ADIPOR1: variants seen among roughly 807,000 people sequenced by gnomAD.
ADIPOR1 encodes the protein adiponectin receptor 1.
A neutral mutation model predicts 37.5 loss-of-function variants in ADIPOR1; 15 were observed. The observed-to-expected ratio is 0.40, with a 90% CI of 0.27 to 0.62. The LOEUF (loss-of-function observed/expected upper bound fraction) is 0.62. Ranked by LOEUF, ADIPOR1 falls within the 20% of genes least tolerant of loss-of-function variation. ADIPOR1 has a pLI of 0.42. For synonymous variants in ADIPOR1, 173 were observed against 173.2 expected (o/e 1.00, Z 0.01); for missense variants, 286 against 478.0 (o/e 0.60, Z 3.75).
rs112422994 is a variant in ADIPOR1 at position 202,946,058 on chromosome 1, C to A, written c.430+381G>T. Among the ~76,000 whole-genome samples, 4 of 145,802 alleles carry A rather than the reference C, an allele frequency of 2.7e-5. 1 individual carries two copies. The highest frequency in any genetic ancestry group is 1.0e-4 in the African/African-American group (4 of 38,564). Reference sequence around the variant, plus strand: ...AAAATCAGAAAGCTATGAGGTTTAGCTGTGTAATTGCAGTCCAATGTTTCA... The same window carrying A: ...AAAATCAGAAAGCTATGAGGTTTAGATGTGTAATTGCAGTCCAATGTTTCA... On this transcript the variant is annotated intron_variant, in intron 4 of 7. Coordinates refer to ENST00000340990, the MANE Select transcript of ADIPOR1 (RefSeq NM_015999.6).
intron 1 of ADIPOR1, among the ~76,000 whole-genome samples, chr1:202,953,296 T>C (rs985699303): frequency 6.6e-6 from 1 of 152,038 alleles, no homozygotes; most frequent in Non-Finnish European, 1.5e-5. Context: ...TAAATATTTT[T>C]GGGCATCTTA....
intron 3 of ADIPOR1, 122 bp downstream of exon 3, chr1:202,948,182 A>G (rs1354719849): frequency 7.4e-6 from 6 of 809,072 alleles, no homozygotes; most frequent in Non-Finnish European, 1.2e-5. Flanking sequence ...CTTAACCAAA[A>G]AACAAATCCA....
chr1:202,957,430 C>T (rs7514296), intron 1 of ADIPOR1, among the ~76,000 whole-genome samples: 12,165 of 151,878 alleles, frequency 0.08, 1,219 homozygotes, highest in African/African-American at 0.23. Flanking sequence ...TTGGCCTTGT[C>T]AGTTTCCCAT....
chr1:202,948,814 T>G (rs1173173324), intron 2 of ADIPOR1, among the ~76,000 whole-genome samples: 2 of 150,580 alleles, frequency 1.3e-5, no homozygotes, highest in East Asian at 3.9e-4. Context: ...TTTTTTGAAA[T>G]GGAATATCCC....
chr1:202,950,788 C>T lies in ADIPOR1; in HGVS notation c.141+142G>A, dbSNP rs7554261. ...AAAGCAGACAACAAGATGTTTATAA[C>T]AGTATCATAGGGACTTGGATAGAGA... On this transcript the variant is annotated intron_variant, in intron 2 of 7. Coordinates refer to ENST00000340990, the MANE Select transcript of ADIPOR1 (RefSeq NM_015999.6). The T allele has an allele frequency of 9.6e-5, 112 of 1,160,940 alleles. No homozygotes were observed. In the African/African-American group the frequency reaches 1.6e-3, roughly 16 times the overall value. The allele number at this position is 1,160,940 out of a possible 1,614,324, so 71.9% of individuals were successfully genotyped here.
chr1:202,950,435 C>T (rs1287839832), intron 2 of ADIPOR1, among the ~76,000 whole-genome samples: 3 of 151,876 alleles, frequency 2.0e-5, no homozygotes, highest in African/African-American at 4.8e-5. Context: ...AAGAGAGGGC[C>T]TTTCTTCTCG....
At chr1:202,946,925 A>C (rs1384469965) in intron 3 of ADIPOR1, among the ~76,000 whole-genome samples, 1 of 151,634 alleles carries the variant, frequency 6.6e-6, no homozygotes, top group Non-Finnish European at 1.5e-5. Context: ...GACCTGCCTG[A>C]CTAACATGGT....
At chr1:202,947,770 T>C (rs1172459738) in intron 3 of ADIPOR1, among the ~76,000 whole-genome samples, 2 of 152,042 alleles carry the variant, frequency 1.3e-5, no homozygotes, top group African/African-American at 4.8e-5. Flanking sequence ...ATCCAGGGAA[T>C]AGATGGAAAA....
Position 202,940,849 on chromosome 1 carries a change from T to G in ADIPOR1, c.*724A>C, listed in dbSNP as rs1384413458. ...GTGAAATCTTTGAATGCCAAGTGTC[T>G]TCTGTACTTTCTTTTATTAACATCA... On this transcript the variant is annotated 3_prime_UTR_variant, in exon 8 of 8. Coordinates refer to ENST00000340990, the MANE Select transcript of ADIPOR1 (RefSeq NM_015999.6). 6.6e-6 allele frequency: 1 copy of G among 152,642 alleles called. No homozygotes were observed. Among genetic ancestry groups the G allele is most frequent in the Non-Finnish European group, 1.5e-5 (1 of 68,040 alleles). 9.5% of individuals were successfully genotyped at this position (152,642 alleles called of 1,614,324 possible).
intron 6 of ADIPOR1, 139 bp from the exon 7 acceptor site, chr1:202,942,357 A>T (rs2275736): frequency 0.036 from 26,454 of 732,098 alleles, 2,070 homozygotes; most frequent in African/African-American, 0.21. Context: ...AAACTTAGCT[A>T]CAAGATGGAT....
intron 2 of ADIPOR1, among the ~76,000 whole-genome samples, chr1:202,949,517 C>A (rs1004710421): frequency 3.0e-4 from 44 of 149,064 alleles, no homozygotes; most frequent in Admixed American, 5.4e-4. Context: ...GAGGGCGGAG[C>A]CTGCAGTGAG....
rs549668599 is a variant in ADIPOR1 at position 202,942,055 on chromosome 1, C to T, written c.969G>A (p.Glu323=). 20 of 1,613,086 alleles carry T rather than the reference C, an allele frequency of 1.2e-5. No individual in the cohort carries two copies. Among genetic ancestry groups the T allele is most frequent in the African/African-American group, 9.3e-5 (7 of 74,976 alleles). Reference sequence around the variant, plus strand: ...TGTCAAATTTTCCAGGAAAGAAGCGCTCAGGAATTCGAGCAGCATAAAGGC... The same window carrying T: ...TGTCAAATTTTCCAGGAAAGAAGCGTTCAGGAATTCGAGCAGCATAAAGGC... The part of the protein sequence containing the change: ...GAGLYAARIP[E]RFFPGKFDIW... The change falls in exon 7 of 8, where the codon GAG becomes GAA. Residue 323 remains glutamate, a synonymous_variant. Transcript: ENST00000340990.
chr1:202,949,302 C>T (rs995128912), intron 2 of ADIPOR1, among the ~76,000 whole-genome samples: 3 of 151,266 alleles, frequency 2.0e-5, no homozygotes, highest in East Asian at 2.0e-4. Flanking sequence ...CCCAGAGGGC[C>T]GGGCGCGGTG....
chr1:202,942,262 C>T (rs542114663), intron 6 of ADIPOR1, 44 bp from the exon 7 acceptor site: 1 of 1,541,422 alleles, frequency 6.5e-7, no homozygotes, highest in East Asian at 2.3e-5. Context: ...GAAACAGCCA[C>T]CGCATGGAAG....
At chr1:202,946,639 G>A (rs1654333947) in intron 3 of ADIPOR1, 29 bp from the exon 4 acceptor site, 3 of 1,612,714 alleles carry the variant, frequency 1.9e-6, no homozygotes, top group Non-Finnish European at 2.5e-6. Context: ...CTCTGGGTAG[G>A]GCACTAGATA....
chr1:202,943,701 G>A (rs1470437050), intron 6 of ADIPOR1, 57 bp downstream of exon 6: 1 of 1,552,738 alleles, frequency 6.4e-7, no homozygotes, highest in African/African-American at 1.4e-5. Flanking sequence ...ATAGGTTTGA[G>A]CCTATCAGGC....
chr1:202,953,531 C>A (rs1193887961), intron 1 of ADIPOR1, among the ~76,000 whole-genome samples: 1 of 152,190 alleles, frequency 6.6e-6, no homozygotes, highest in Non-Finnish European at 1.5e-5. Context: ...CAGCATATGA[C>A]TTAGCTTCTA....
intron 1 of ADIPOR1, among the ~76,000 whole-genome samples, chr1:202,957,811 C>A (rs1352487214): frequency 1.3e-5 from 2 of 152,192 alleles, no homozygotes; most frequent in East Asian, 3.9e-4. Flanking sequence ...CCTCCCCACG[C>A]GCGGCGGCCT....
chr1:202,951,771 A>C (rs527690560), intron 1 of ADIPOR1, among the ~76,000 whole-genome samples: 2 of 152,332 alleles, frequency 1.3e-5, no homozygotes, highest in Non-Finnish European at 2.9e-5. Context: ...TTATAGCCTG[A>C]GTTCAACCCT....
Sources: gnomAD v4.1 joint callset for allele counts (sites outside exome capture counted in the v4.1 genomes callset) on GRCh38, gnomAD v4.1.1 for gene constraint, MANE v1.5 for transcripts, NCBI Gene and HGNC (gene_info 2026-07-23, HGNC 2026-07-21) for gene names.